Variants in ZRANB3 observed in about 807,000 individuals in gnomAD.
The protein encoded by ZRANB3 is DNA annealing helicase and endonuclease ZRANB3.
A neutral mutation model predicts 133.8 loss-of-function variants in ZRANB3; 125 were observed. That is an observed-to-expected ratio of 0.93 (90% CI 0.81 to 1.08). The LOEUF is 1.08. Among genes scored for constraint, ZRANB3 ranks in the 50% least tolerant of loss-of-function variants. The pLI is 0.00. For synonymous variants in ZRANB3, 387 were observed against 432.7 expected (o/e 0.89, Z 1.31); for missense variants, 1,229 against 1,275.5 (o/e 0.96, Z 0.56).
intron 1 of ZRANB3, among the ~76,000 whole-genome samples, chr2:135,525,668 C>T (rs1378540061): frequency 4.6e-5 from 7 of 151,850 alleles, no homozygotes; most frequent in African/African-American, 1.2e-4. Flanking sequence ...GCCAACATGG[C>T]GAAACCCCGT....
At chr2:135,297,870 T>C (rs1417989049) in intron 8 of ZRANB3, among the ~76,000 whole-genome samples, 1 of 152,254 alleles carries the variant, frequency 6.6e-6, no homozygotes, top group Admixed American at 6.5e-5. Context: ...CCAGAAGTTA[T>C]GATTGTCTTT....
intron 2 of ZRANB3, among the ~76,000 whole-genome samples, chr2:135,404,947 A>G (rs950237369): frequency 2.6e-5 from 4 of 152,234 alleles, no homozygotes; most frequent in African/African-American, 9.6e-5. Context: ...TTATAATGAC[A>G]GGATCAAATT....
chr2:135,432,181 C>T (rs1574094923), intron 2 of ZRANB3, among the ~76,000 whole-genome samples: 1 of 152,018 alleles, frequency 6.6e-6, no homozygotes, highest in South Asian at 2.1e-4. Flanking sequence ...ACCCAGGAGG[C>T]GGAGGCTGCA....
chr2:135,376,887 G>A (rs1686453516), intron 3 of ZRANB3, among the ~76,000 whole-genome samples: 1 of 152,234 alleles, frequency 6.6e-6, no homozygotes, highest in Admixed American at 6.5e-5. Context: ...AAAACAAAAT[G>A]TGATAAAAGA....
At chr2:135,377,896 C>T (rs1367602743) in intron 3 of ZRANB3, among the ~76,000 whole-genome samples, 1 of 152,122 alleles carries the variant, frequency 6.6e-6, no homozygotes, top group African/African-American at 2.4e-5. Context: ...TGGTTGGGCA[C>T]AATATAATCA....
chr2:135,284,840 T>TCTTTC (rs1404767588), intron 8 of ZRANB3, among the ~76,000 whole-genome samples: 3 of 150,504 alleles, frequency 2.0e-5, no homozygotes. Context: ...CTTCTTTTTT[T>TCTTTC]CTTTTCTTTT....
intron 2 of ZRANB3, among the ~76,000 whole-genome samples, chr2:135,439,884 C>G (rs567513021): frequency 1.4e-4 from 22 of 152,288 alleles, no homozygotes; most frequent in South Asian, 4.1e-4. Flanking sequence ...AGTGACCATG[C>G]CTTTCGCTCA....
At chr2:135,342,843 A>G (rs1484458934) in intron 6 of ZRANB3, among the ~76,000 whole-genome samples, 1 of 148,512 alleles carries the variant, frequency 6.7e-6, no homozygotes, top group East Asian at 1.9e-4. Context: ...ATACATATAT[A>G]CCCTAAATTT....
chr2:135,389,436 G>A (rs528894850), intron 3 of ZRANB3, among the ~76,000 whole-genome samples: 217 of 152,296 alleles, frequency 1.4e-3, no homozygotes, highest in Middle Eastern at 6.8e-3. Flanking sequence ...GCCAGGCACT[G>A]TGGCTCACGC....
chr2:135,239,146 T>G (rs1695438998), intron 12 of ZRANB3, among the ~76,000 whole-genome samples: 1 of 152,198 alleles, frequency 6.6e-6, no homozygotes, highest in South Asian at 2.1e-4. Context: ...AAATGATATT[T>G]TACATAATGA....
At position 135,414,575 on chromosome 2, in the gene ZRANB3, G is replaced by A. The variant is rs1000110884; in HGVS notation, c.162-23755C>T. Among the ~76,000 whole-genome samples, 8 of 152,094 alleles carry A rather than the reference G, an allele frequency of 5.3e-5. No homozygotes were observed. The East Asian group carries it at 1.2e-3, about 22-fold the overall frequency. ...CAGAAAGTTAACAAGGATACCCAGG[G>A]ATTGAACTCAGCTCTGCACCAAGTG... On this transcript the variant is annotated intron_variant, in intron 2 of 20. Coordinates refer to ENST00000264159, the MANE Select transcript of ZRANB3 (RefSeq NM_032143.4).
Position 135,265,695 on chromosome 2 carries a change from G to A in ZRANB3, c.1387-9C>T, listed in dbSNP as rs775007884. 6.2e-6 allele frequency: 10 copies of A among 1,604,956 alleles called. No individual in the cohort carries two copies. Among genetic ancestry groups the A allele is most frequent in the Non-Finnish European group, 8.5e-6 (10 of 1,176,290 alleles). ...CTCCCTGTAACTTGAGCCTACAAGA[G>A]GAAAAAGTAAATGAATTTTTGAGCA... On this transcript the variant is annotated splice_polypyrimidine_tract_variant and intron_variant, in intron 11 of 20. Coordinates refer to ENST00000264159, the MANE Select transcript of ZRANB3 (RefSeq NM_032143.4).
intron 3 of ZRANB3, among the ~76,000 whole-genome samples, chr2:135,387,446 A>C (rs915934139): frequency 8.5e-5 from 13 of 152,206 alleles, no homozygotes; most frequent in African/African-American, 3.1e-4. Context: ...ACTTTCATCC[A>C]CACTGGCATG....
At chr2:135,441,996 AG>A (rs1341548016) in intron 2 of ZRANB3, among the ~76,000 whole-genome samples, 1 of 152,210 alleles carries the variant, frequency 6.6e-6, no homozygotes, top group African/African-American at 2.4e-5. Context: ...CGCCATATGT[AG>A]AAAGCTGAAA....
At chr2:135,379,651 C>T (rs1686596390) in intron 3 of ZRANB3, among the ~76,000 whole-genome samples, 1 of 152,160 alleles carries the variant, frequency 6.6e-6, no homozygotes, top group Admixed American at 6.5e-5. Context: ...ACAACACCTA[C>T]TGAAGGAAGC....
At chr2:135,428,091 A>G (rs951833802) in intron 2 of ZRANB3, among the ~76,000 whole-genome samples, 2 of 152,210 alleles carry the variant, frequency 1.3e-5, no homozygotes, top group South Asian at 2.1e-4. Context: ...ACCTAAAACT[A>G]TAAAAACCCT....
chr2:135,358,042 C>G (rs1042339091), intron 3 of ZRANB3, among the ~76,000 whole-genome samples: 4 of 152,134 alleles, frequency 2.6e-5, no homozygotes, highest in African/African-American at 9.7e-5. Flanking sequence ...GATGGCCCTT[C>G]TGGGGGTCAA....
At chr2:135,383,696 T>C (rs942040948) in intron 3 of ZRANB3, among the ~76,000 whole-genome samples, 1 of 152,058 alleles carries the variant, frequency 6.6e-6, no homozygotes, top group Non-Finnish European at 1.5e-5. Context: ...AGAAACTCAC[T>C]CAAAACCACA....
chr2:135,206,470 C>A (rs1693862787), intron 19 of ZRANB3, among the ~76,000 whole-genome samples: 1 of 151,892 alleles, frequency 6.6e-6, no homozygotes, highest in African/African-American at 2.4e-5. Context: ...GAACTCCTGA[C>A]CTCAGGTGAT....
Sources: allele counts gnomAD v4.1 joint callset (sites outside exome capture counted in the v4.1 genomes callset), GRCh38; gene constraint gnomAD v4.1.1; transcripts MANE v1.5; gene names NCBI Gene and HGNC (gene_info 2026-07-23, HGNC 2026-07-21).